Variants in PRDM15 observed in about 807,000 individuals in gnomAD.
The protein encoded by PRDM15 is PR/SET domain 15.
In PRDM15, 64 loss-of-function variants were observed where a neutral mutation model predicts 128.6. The observed-to-expected ratio is 0.50, with a 90% CI of 0.41 to 0.61. The LOEUF (loss-of-function observed/expected upper bound fraction) is 0.61, where lower values mean the gene tolerates loss of function less well. PRDM15 is among the 20% of genes least tolerant of loss of function. The pLI is 0.00. For missense variants in PRDM15, 1,242 were observed against 1,569.1 expected, an observed-to-expected ratio of 0.79 and a Z score of 3.52; for synonymous variants, 615 against 621.8, an observed-to-expected ratio of 0.99 and a Z score of 0.16.
In PRDM15 at chr21:41,854,585, C is replaced by G. The variant is rs759028926; in HGVS notation, c.519G>C (p.Gln173His). Residue 173 changes from glutamine (Q) to histidine (H), a missense_variant, in exon 5 of 24, where the codon CAG (glutamine) becomes CAC (histidine). Gln to His is a conservative substitution (Grantham distance 24, BLOSUM62 0). Coordinates refer to ENST00000398548, the MANE Select transcript of PRDM15 (RefSeq NM_001040424.3). This position sits in a 1 kb window ranked among gnomAD's most constrained non-coding sequence, Gnocchi z 4.6. ...ACATACCGTGGACGCCAGAGCCGGC[C>G]TGCTTCAGCATGGGCTTGTCCATCT... Reference protein sequence around the residue: ...AKKMDKPMLKQAGSGVHAAGT... With the variant: ...AKKMDKPMLKHAGSGVHAAGT... 2 of 1,613,380 alleles carry G rather than the reference C, an allele frequency of 1.2e-6. No homozygotes were observed. Among genetic ancestry groups the G allele is most frequent in the African/African-American group, 2.7e-5 (2 of 74,952 alleles).
At position 41,839,207 on chromosome 21, in the gene PRDM15, C is replaced by T. The variant is rs185118077; in HGVS notation, c.871+416G>A. The stretch of plus-strand genomic sequence containing the variant: ...CTGTTCAGCAATCCAGGAGAAGGAG[C>T]CACAGATAAACCACGTGGGCGGGTC... On this transcript the variant is annotated intron_variant, in intron 7 of 23. Transcript: ENST00000398548. 3.0e-3 allele frequency among the ~76,000 whole-genome samples: 451 copies of T among 152,326 alleles called. 3 individuals carry two copies. The highest frequency in any genetic ancestry group is 5.1e-3 in the Non-Finnish European group (346 of 68,030).
chr21:41,829,261 TCA>T (rs1294601131), intron 11 of PRDM15, among the ~76,000 whole-genome samples: 8 of 90,538 alleles, frequency 8.8e-5, no homozygotes, highest in Admixed American at 4.2e-4. Flanking sequence ...CCAACACACA[TCA>T]CACACACACA....
chr21:41,844,286 G>A (rs78129882), intron 6 of PRDM15, among the ~76,000 whole-genome samples: 17,892 of 151,964 alleles, frequency 0.12, 1,176 homozygotes, highest in Non-Finnish European at 0.14. Context: ...GTGCCAGTCC[G>A]CTGAGGATAT....
chr21:41,834,851 G>A (rs900087438), intron 11 of PRDM15, among the ~76,000 whole-genome samples: 1 of 152,258 alleles, frequency 6.6e-6, no homozygotes, highest in African/African-American at 2.4e-5. Context: ...GCCCGAAGAG[G>A]CCACCTCTCC....
rs1232899500 is a variant in PRDM15 at position 41,821,749 on chromosome 21, AC to A, written c.1896+153del. On this transcript the variant is annotated intron_variant, in intron 15 of 23. Transcript: ENST00000398548. This position sits in a 1 kb window ranked among gnomAD's most constrained non-coding sequence, Gnocchi z 5.4. Reference sequence around the variant, plus strand: ...TCCCAGGCACAAGTGATGGACAGGCACCCAGTCTGCAGTAGGACCACTGGCC... The same window carrying A: ...TCCCAGGCACAAGTGATGGACAGGCACCAGTCTGCAGTAGGACCACTGGCC... 6.6e-6 allele frequency among the ~76,000 whole-genome samples: 1 copy of A among 152,194 alleles called. No homozygotes were observed. The highest frequency in any genetic ancestry group is 1.5e-5 in the Non-Finnish European group (1 of 68,024).
intron 10 of PRDM15, among the ~76,000 whole-genome samples, chr21:41,835,833 C>T (rs553572938): frequency 1.5e-4 from 23 of 152,310 alleles, no homozygotes; most frequent in African/African-American, 5.1e-4. Context: ...GACGCCAGGA[C>T]ACCCACAGCC....
At chr21:41,835,977 TC>T (rs1568954541) in intron 10 of PRDM15, 135 bp downstream of exon 10, 3 of 228,866 alleles carry the variant, frequency 1.3e-5, no homozygotes, top group Non-Finnish European at 2.7e-5. Context: ...CCGCCCACTC[TC>T]CTCCCTCCCC....
rs759020265 is a variant in PRDM15, at chr21:41,839,870, G to A, written c.641-17C>T. 3.9e-5 allele frequency: 63 copies of A among 1,605,518 alleles called. No individual in the cohort carries two copies. The highest frequency in any genetic ancestry group is 1.5e-4 in the South Asian group (14 of 90,882). On this transcript the variant is annotated splice_polypyrimidine_tract_variant and intron_variant, in intron 6 of 23. Transcript: ENST00000398548. ...ACAGATGTTCTGCAAAGAGAGACGCGAATGCACCACACAATTAGGAAGCCT... is the reference window on the plus strand; with the variant it reads ...ACAGATGTTCTGCAAAGAGAGACGCAAATGCACCACACAATTAGGAAGCCT...
At chr21:41,861,562 C>A (rs372853635) in intron 1 of PRDM15, 361 of 1,605,394 alleles carry the variant, frequency 2.2e-4, no homozygotes, top group Non-Finnish European at 2.9e-4. Flanking sequence ...ACTGTGCGCA[C>A]CGGCATGTCC....
At chr21:41,842,369 C>A (rs1463761171) in intron 6 of PRDM15, among the ~76,000 whole-genome samples, 1 of 152,226 alleles carries the variant, frequency 6.6e-6, no homozygotes, top group Non-Finnish European at 1.5e-5. Context: ...AAATGCTTAT[C>A]TTCTCCACAA....
In PRDM15 at chr21:41,828,225, C is replaced by G; in HGVS notation, c.1475G>C (p.Cys492Ser). 4 of 1,614,106 alleles carry G rather than the reference C, an allele frequency of 2.5e-6. No individual in the cohort carries two copies. The highest frequency in any genetic ancestry group is 3.4e-6 in the Non-Finnish European group (4 of 1,179,988). ...GTCCTTGCGGTAGAACATCTTGCTG[C>G]AGACCTCACAGGCAAACTTCTTGTC... ...HGDKKFACEV[C>S]SKMFYRKDVM... The change falls in exon 12 of 24, where the codon TGC (cysteine) becomes TCC (serine). Residue 492 changes from cysteine to serine, a missense_variant. Transcript: ENST00000398548. This position sits in a 1 kb window ranked among gnomAD's most constrained non-coding sequence, Gnocchi z 5.7.
Position 41,821,753 on chromosome 21 carries a change from A to G in PRDM15, c.1896+150T>C. ...AGGCACAAGTGATGGACAGGCACCC[A>G]GTCTGCAGTAGGACCACTGGCCGGA... On this transcript the variant is annotated intron_variant, in intron 15 of 23. Transcript: ENST00000398548. The surrounding 1 kb of genome is among the most constrained non-coding windows in gnomAD (Gnocchi z 5.4). 1.1e-6 allele frequency: 1 copy of G among 912,938 alleles called. No homozygotes were observed. The highest frequency in any genetic ancestry group is 1.6e-5 in the South Asian group (1 of 64,228). The allele number at this position is 912,938 out of a possible 1,614,324, so 56.6% of individuals were successfully genotyped here.
In PRDM15 at chr21:41,828,816, C is replaced by T. The variant is rs1216562132; in HGVS notation, c.1367-483G>A. On this transcript the variant is annotated intron_variant, in intron 11 of 23. Transcript: ENST00000398548. The surrounding 1 kb of genome is among the most constrained non-coding windows in gnomAD (Gnocchi z 5.7). ...CAGGATCCCTGGTGTTGGCCCCTCCCAACTCCTTCCCCGTGGGCGGGCATC... is the reference window on the plus strand; with the variant it reads ...CAGGATCCCTGGTGTTGGCCCCTCCTAACTCCTTCCCCGTGGGCGGGCATC... Among the ~76,000 whole-genome samples the T allele has an allele frequency of 6.6e-6, 1 of 152,060 alleles. No individual in the cohort carries two copies. Among genetic ancestry groups the T allele is most frequent in the Non-Finnish European group, 1.5e-5 (1 of 67,988 alleles).
At position 41,833,000 on chromosome 21, in the gene PRDM15, C is replaced by G. The variant is rs916022706; in HGVS notation, c.1366+2437G>C. 6.6e-6 allele frequency among the ~76,000 whole-genome samples: 1 copy of G among 152,084 alleles called. No individual in the cohort carries two copies. Among genetic ancestry groups the G allele is most frequent in the Admixed American group, 6.5e-5 (1 of 15,284 alleles). On this transcript the variant is annotated intron_variant, in intron 11 of 23. Transcript: ENST00000398548. The surrounding 1 kb of genome is among the most constrained non-coding windows in gnomAD (Gnocchi z 4.2). ...GCTTCTCCCTCCAATAACCCTGCGC[C>G]GAGGGGATCTAGGTTTATGTCTGAA...
chr21:41,839,823 T>C lies in PRDM15; in HGVS notation c.671A>G (p.Lys224Arg). Residue 224 changes from lysine to arginine, a missense_variant, in exon 7 of 24, where the codon AAA (lysine) becomes AGA (arginine). Lys to Arg is a conservative substitution (Grantham distance 26, BLOSUM62 2). This residue lies in a region of PRDM15 where 612 missense variants were observed against 717.0 expected (regional missense o/e 0.85). Coordinates refer to ENST00000398548, the MANE Select transcript of PRDM15 (RefSeq NM_001040424.3). ...GCTTTGGCTGCCTGGAGGAAGGCTT[T>C]TGGCTTGTTCTAAGTGGCCCAACAG... ...EHLLGHLEQA[K>R]SLPPGSQSEA... The C allele has an allele frequency of 6.2e-7, 1 of 1,614,232 alleles. No individual in the cohort carries two copies. The highest frequency in any genetic ancestry group is 8.5e-7 in the Non-Finnish European group (1 of 1,180,042).
chr21:41,879,018 G>A lies in PRDM15; in HGVS notation c.-10+252C>T. ...GACCCGGCGGGCGGGCGGCGCGCAG[G>A]GCGATCCCGGAGCGGCTCCGGGAAA... On this transcript the variant is annotated intron_variant, in intron 1 of 23. Transcript: ENST00000398548. This position sits in a 1 kb window ranked among gnomAD's most constrained non-coding sequence, Gnocchi z 5.1. The A allele has an allele frequency of 2.8e-6, 3 of 1,066,284 alleles. No individual in the cohort carries two copies. Among genetic ancestry groups the A allele is most frequent in the Non-Finnish European group, 3.5e-6 (3 of 867,536 alleles). 66.1% of individuals were successfully genotyped at this position (1,066,284 alleles called of 1,614,324 possible).
At chr21:41,807,906 T>C (rs1347227459) in intron 21 of PRDM15, among the ~76,000 whole-genome samples, 2 of 152,124 alleles carry the variant, frequency 1.3e-5, no homozygotes, top group Non-Finnish European at 2.9e-5. Flanking sequence ...GGAGTGGGGA[T>C]GGGCAACACA....
At chr21:41,817,877 T>G (rs1167755899) in intron 18 of PRDM15, among the ~76,000 whole-genome samples, 4 of 152,240 alleles carry the variant, frequency 2.6e-5, no homozygotes, top group Admixed American at 6.5e-5. Context: ...CTATTCAGAA[T>G]TCATTTTAAA....
rs201676459 is a variant in PRDM15, at chr21:41,810,247, G to A, written c.2559C>T (p.His853=). 2.7e-5 allele frequency: 44 copies of A among 1,613,296 alleles called. 1 individual carries two copies. The highest frequency in any genetic ancestry group is 2.0e-4 in the African/African-American group (15 of 75,064). ...YMLQKHVQLT[H]DKVEAQSCQL... is the part of the protein sequence containing the mutation. ...GGCAGCTCTGCGCCTCCACCTTGTC[G>A]TGTGTGAGCTGAACGTGCTTCTGCA... is the stretch of plus-strand genomic sequence containing the variant. Residue 853 remains histidine (H), a synonymous_variant, in exon 21 of 24, where the codon CAC becomes CAT. Coordinates refer to ENST00000398548, the MANE Select transcript of PRDM15 (RefSeq NM_001040424.3). The surrounding 1 kb of genome is among the most constrained non-coding windows in gnomAD (Gnocchi z 6.4).
Sources: gnomAD v4.1 joint callset for allele counts (sites outside exome capture counted in the v4.1 genomes callset) on GRCh38, gnomAD v4.1.1 for gene constraint, gnomAD v4.1.1 regional missense constraint, Gnocchi (gnomAD v3.1) non-coding constraint, MANE v1.5 for transcripts, NCBI Gene and HGNC (gene_info 2026-07-23, HGNC 2026-07-21) for gene names.